The following SRGAP3 variants were observed in gnomAD, a reference collection of about 807,000 sequenced individuals.
SRGAP3 encodes the protein SLIT-ROBO Rho GTPase activating protein 3, also known as SLIT-ROBO Rho GTPase-activating protein 3.
Under a neutral mutation model 121.1 loss-of-function variants are expected in SRGAP3, and 39 were observed. The observed-to-expected ratio is 0.32, with a 90% confidence interval of 0.25 to 0.42. The LOEUF (loss-of-function observed/expected upper bound fraction) is 0.42. Among genes scored for constraint, SRGAP3 ranks in the 10% least tolerant of loss-of-function variants. The pLI is 1.00. For missense variants in SRGAP3, 1,213 were observed against 1,470.6 expected (o/e 0.82, Z 2.86); for synonymous variants, 601 against 570.0 (o/e 1.05, Z -0.77).
chr3:9,284,832 CAAAAAAA>C (rs368751790), intron 3 of SRGAP3, among the ~76,000 whole-genome samples: 1 of 111,436 alleles, frequency 9.0e-6, no homozygotes, highest in Admixed American at 1.0e-4. Context: ...GAGTCTGCCT[CAAAAAAA>C]AAAAAAAAAA....
At chr3:9,081,299 A>C (rs1396193866) in intron 3 of SRGAP3, 1 of 456,540 alleles carries the variant, frequency 2.2e-6, no homozygotes, top group Non-Finnish European at 4.4e-6. Flanking sequence ...CACTCTCAAG[A>C]TGTCTCTTCC....
intron 3 of SRGAP3, among the ~76,000 whole-genome samples, chr3:9,316,469 C>A (rs1215093530): frequency 1.3e-5 from 2 of 148,808 alleles, no homozygotes; most frequent in East Asian, 4.2e-4. Flanking sequence ...CCATCCTGGC[C>A]AACATGGTGA....
chr3:9,117,582 A>G (rs1948850034), intron 2 of SRGAP3, among the ~76,000 whole-genome samples: 1 of 152,194 alleles, frequency 6.6e-6, no homozygotes. Context: ...TTTTCACAGC[A>G]GTTAAACTAG....
intron 17 of SRGAP3, 104 bp downstream of exon 17, chr3:9,013,204 C>T (rs1446599122): frequency 8.9e-7 from 1 of 1,122,552 alleles, no homozygotes; most frequent in Non-Finnish European, 1.3e-6. Flanking sequence ...TATATGGAAG[C>T]ACCGACTATC....
rs539140873 is a variant in SRGAP3 at position 9,124,922 on chromosome 3, G to A, written c.68-5C>T. 2.5e-6 allele frequency: 4 copies of A among 1,613,762 alleles called. No homozygotes were observed. The highest frequency in any genetic ancestry group is 1.3e-5 in the African/African-American group (1 of 74,916). ...CCACCAGCTGCGTGCGGATCTCTGC[G>A]GGCACACAAGGGTAGGAGCATGAGA... On this transcript the variant is annotated splice_polypyrimidine_tract_variant and splice_region_variant and intron_variant, in intron 1 of 21. Coordinates refer to ENST00000383836, the MANE Select transcript of SRGAP3 (RefSeq NM_014850.4).
At chr3:9,310,528 G>C (rs147764624) in intron 3 of SRGAP3, among the ~76,000 whole-genome samples, 1,591 of 152,254 alleles carry the variant, frequency 0.01, 21 homozygotes, top group Non-Finnish European at 0.016. Flanking sequence ...ATGTTTGCCA[G>C]TGCTTCTGGG....
At chr3:9,344,225 C>T (rs1382395889) in intron 1 of SRGAP3, among the ~76,000 whole-genome samples, 5 of 152,118 alleles carry the variant, frequency 3.3e-5, no homozygotes, top group African/African-American at 4.8e-5. Flanking sequence ...GAGGCCGAGG[C>T]GGGCGGATCA....
chr3:9,171,965 G>A (rs780943742), intron 1 of SRGAP3, among the ~76,000 whole-genome samples: 5 of 151,842 alleles, frequency 3.3e-5, no homozygotes, highest in Admixed American at 6.6e-5. Flanking sequence ...GGCATTTCTC[G>A]TCTCCTGCCG....
At chr3:9,108,365 C>G (rs958644847) in intron 2 of SRGAP3, among the ~76,000 whole-genome samples, 1 of 152,122 alleles carries the variant, frequency 6.6e-6, no homozygotes, top group Non-Finnish European at 1.5e-5. Flanking sequence ...GTGCCTGAGT[C>G]CCAGGGCTTT....
At chr3:9,206,614 C>G (rs1952274722) in intron 1 of SRGAP3, among the ~76,000 whole-genome samples, 1 of 152,138 alleles carries the variant, frequency 6.6e-6, no homozygotes. Context: ...GCTAAAAATG[C>G]CCAGGGCCAT....
chr3:9,164,814 C>G (rs576993289), intron 1 of SRGAP3, among the ~76,000 whole-genome samples: 1 of 152,360 alleles, frequency 6.6e-6, no homozygotes, highest in South Asian at 2.1e-4. Context: ...TCATACCACA[C>G]CTTGAGGTTA....
intron 3 of SRGAP3, among the ~76,000 whole-genome samples, chr3:9,323,684 T>C (rs912319999): frequency 1.3e-5 from 2 of 151,638 alleles, no homozygotes; most frequent in African/African-American, 4.8e-5. Context: ...AATTCTGGGA[T>C]GAGAAGGTAC....
At chr3:9,055,873 T>C (rs957423675) in intron 8 of SRGAP3, among the ~76,000 whole-genome samples, 2 of 142,134 alleles carry the variant, frequency 1.4e-5, no homozygotes, top group Non-Finnish European at 3.1e-5. Context: ...TAGAGTCCTA[T>C]TTCCTTTTGT....
Position 9,135,195 on chromosome 3 carries a change from T to C in SRGAP3, c.68-10278A>G, listed in dbSNP as rs141137068. On this transcript the variant is annotated intron_variant, in intron 1 of 21. Transcript: ENST00000383836. ...ATTTCCATCATTGCAGAAACTTCCA[T>C]TGGACAGCACTGCGTCAGAGGCTTT... Among the ~76,000 whole-genome samples, 10 of 152,360 alleles carry C rather than the reference T, an allele frequency of 6.6e-5. No individual in the cohort carries two copies. The East Asian group carries it at 1.5e-3, about 23-fold the overall frequency.
At chr3:9,004,021 T>C (rs1942923481) in intron 18 of SRGAP3, among the ~76,000 whole-genome samples, 3 of 152,218 alleles carry the variant, frequency 2.0e-5, no homozygotes, top group Admixed American at 1.3e-4. Context: ...ACTATTTGAC[T>C]GCATGAATAA....
chr3:9,132,047 A>G lies in SRGAP3; in HGVS notation c.68-7130T>C, dbSNP rs75809541. 3.0e-3 allele frequency among the ~76,000 whole-genome samples: 461 copies of G among 151,942 alleles called. 1 individual carries two copies. The highest frequency in any genetic ancestry group is 4.2e-3 in the Non-Finnish European group (286 of 67,944). ...CTCCCCACTGCTCCTCACAACCACA[A>G]CCTCACCAGCAATAGTAGGAAGATT... On this transcript the variant is annotated intron_variant, in intron 1 of 21. Transcript: ENST00000383836.
At chr3:9,348,487 G>A (rs1476953230) in intron 1 of SRGAP3, 35 of 725,938 alleles carry the variant, frequency 4.8e-5, no homozygotes, top group Non-Finnish European at 7.9e-5. Flanking sequence ...GCGAGAGCAT[G>A]TGGAATCCGG....
intron 3 of SRGAP3, among the ~76,000 whole-genome samples, chr3:9,098,350 C>A (rs1321175081): frequency 6.6e-6 from 1 of 152,226 alleles, no homozygotes; most frequent in Non-Finnish European, 1.5e-5. Flanking sequence ...CAGCTCACAG[C>A]AGCTTCAACT....
chr3:9,222,951 C>T (rs1952862131), intron 1 of SRGAP3, among the ~76,000 whole-genome samples: 1 of 152,208 alleles, frequency 6.6e-6, no homozygotes, highest in Non-Finnish European at 1.5e-5. Context: ...ATACCCTGAG[C>T]AAGATATTCA....
Sources: gnomAD v4.1 joint callset for allele counts (sites outside exome capture counted in the v4.1 genomes callset) on GRCh38, gnomAD v4.1.1 for gene constraint, MANE v1.5 for transcripts, NCBI Gene and HGNC (gene_info 2026-07-23, HGNC 2026-07-21) for gene names.